The following BCAS3 variants were observed in gnomAD, a reference collection of about 807,000 sequenced individuals.
BCAS3 encodes BCAS4/BCAS3 fusion.
Under a neutral mutation model 116.1 loss-of-function variants are expected in BCAS3, and 53 were observed. The ratio of observed to expected loss-of-function variants is 0.46; its 90% CI spans 0.37 to 0.57. The LOEUF (loss-of-function observed/expected upper bound fraction) is 0.57, where lower values mean the gene tolerates loss of function less well. Ranked by LOEUF, BCAS3 falls within the 20% of genes least tolerant of loss-of-function variation. BCAS3 has a pLI of 0.00. For synonymous variants in BCAS3, 391 were observed against 408.2 expected (o/e 0.96, Z 0.51); for missense variants, 917 against 1,165.4 (o/e 0.79, Z 3.10).
rs1471596915 is a variant in BCAS3 at position 61,132,449 on chromosome 17, A to G, written c.2425+47885A>G. On this transcript the variant is annotated intron_variant, in intron 22 of 23. Transcript: ENST00000407086. The surrounding 1 kb of genome is among the most constrained non-coding windows in gnomAD (Gnocchi z 5.1). ...CTCACTGTCTGTGGCCATGTGAGCT[A>G]TAATCTACTGCCCTGGTCAAACTTA... Among the ~76,000 whole-genome samples the G allele has an allele frequency of 1.3e-5, 2 of 152,220 alleles. No homozygotes were observed. Among genetic ancestry groups the G allele is most frequent in the East Asian group, 1.9e-4 (1 of 5,192 alleles).
In BCAS3 at chr17:61,198,744, T is replaced by G. The variant is rs1445958468; in HGVS notation, c.2425+114180T>G. ...TTTCTTAGCATTTATCTTCAAACCT[T>G]AAGTGTAAAAATGAGACAGAGGCTT... On this transcript the variant is annotated intron_variant, in intron 22 of 23. Transcript: ENST00000407086. This position sits in a 1 kb window ranked among gnomAD's most constrained non-coding sequence, Gnocchi z 5.0. 6.6e-6 allele frequency among the ~76,000 whole-genome samples: 1 copy of G among 152,248 alleles called. No individual in the cohort carries two copies. Among genetic ancestry groups the G allele is most frequent in the African/African-American group, 2.4e-5 (1 of 41,462 alleles).
chr17:60,910,975 T>C (rs1053853712), intron 12 of BCAS3, among the ~76,000 whole-genome samples: 5 of 152,106 alleles, frequency 3.3e-5, no homozygotes, highest in Non-Finnish European at 7.4e-5. Context: ...TAAATAATTA[T>C]ATAACATTTA....
chr17:60,777,681 AC>A (rs2045441567), intron 6 of BCAS3, among the ~76,000 whole-genome samples: 1 of 151,744 alleles, frequency 6.6e-6, no homozygotes, highest in Non-Finnish European at 1.5e-5. Context: ...TCTCATTCTC[AC>A]CCTCTCTCCA....
intron 7 of BCAS3, among the ~76,000 whole-genome samples, chr17:60,837,246 C>T (rs754619381): frequency 6.6e-6 from 1 of 152,124 alleles, no homozygotes; most frequent in Non-Finnish European, 1.5e-5. Context: ...AACTAGCTGT[C>T]CTAAACATCC....
At chr17:61,250,326 C>CT (rs1289131093) in intron 22 of BCAS3, among the ~76,000 whole-genome samples, 2 of 152,192 alleles carry the variant, frequency 1.3e-5, no homozygotes, top group Non-Finnish European at 2.9e-5. Context: ...ACAACGGCTT[C>CT]TTCATACACT....
At chr17:61,045,293 G>T (rs1232200487) in intron 19 of BCAS3, among the ~76,000 whole-genome samples, 1 of 151,578 alleles carries the variant, frequency 6.6e-6, no homozygotes, top group Non-Finnish European at 1.5e-5. Flanking sequence ...AAGATTGTTT[G>T]TGGCCAGAAG....
In BCAS3 at chr17:61,038,064, CTTTTCTTT is replaced by C. The variant is rs751407846; in HGVS notation, c.1928+21_1928+28del. On this transcript the variant is annotated intron_variant, in intron 18 of 23. Coordinates refer to ENST00000407086, the MANE Select transcript of BCAS3 (RefSeq NM_017679.5). ...GCTGGACTCTGGTTAGGTAGTACCT[CTTTTCTTT>C]TTTTCTTTTTAACAGCTTCATTAAG... 3.1e-6 allele frequency: 5 copies of C among 1,604,030 alleles called. No homozygotes were observed. Among genetic ancestry groups the C allele is most frequent in the Non-Finnish European group, 4.2e-6 (5 of 1,176,640 alleles).
rs2082010125 is a variant in BCAS3 at position 61,219,883 on chromosome 17, G to T, written c.2425+135319G>T. On this transcript the variant is annotated intron_variant, in intron 22 of 23. Transcript: ENST00000407086. This position sits in a 1 kb window ranked among gnomAD's most constrained non-coding sequence, Gnocchi z 5.2. The stretch of plus-strand genomic sequence containing the variant: ...GACGTTTTTTTCCCATCCTGTTTGG[G>T]GTAGGAAAAACAAGGCAGGTTATGG... 6.6e-6 allele frequency among the ~76,000 whole-genome samples: 1 copy of T among 152,150 alleles called. No individual in the cohort carries two copies. The highest frequency in any genetic ancestry group is 1.5e-5 in the Non-Finnish European group (1 of 68,030).
intron 10 of BCAS3, among the ~76,000 whole-genome samples, chr17:60,897,229 T>C (rs1166791429): frequency 6.6e-6 from 1 of 152,220 alleles, no homozygotes; most frequent in African/African-American, 2.4e-5. Context: ...TTTGAATCTA[T>C]AATTCCATTG....
intron 7 of BCAS3, among the ~76,000 whole-genome samples, chr17:60,809,658 CAT>C (rs1267945467): frequency 6.6e-6 from 1 of 152,196 alleles, no homozygotes; most frequent in East Asian, 1.9e-4. Flanking sequence ...GTCTTGATGA[CAT>C]GTGTGCTTTG....
At chr17:61,264,134 A>G (rs956938207) in intron 22 of BCAS3, among the ~76,000 whole-genome samples, 1 of 151,984 alleles carries the variant, frequency 6.6e-6, no homozygotes, top group Non-Finnish European at 1.5e-5. Flanking sequence ...GAGTTTATAT[A>G]TATATAAAAT....
At chr17:60,940,945 T>C (rs6504010) in intron 13 of BCAS3, among the ~76,000 whole-genome samples, 47,548 of 152,108 alleles carry the variant, frequency 0.31, 12,490 homozygotes, top group African/African-American at 0.72. Context: ...AATTTTGCTA[T>C]TCTTTAATTT....
At chr17:60,908,177 A>G (rs2058291622) in intron 11 of BCAS3, among the ~76,000 whole-genome samples, 1 of 151,944 alleles carries the variant, frequency 6.6e-6, no homozygotes, top group African/African-American at 2.4e-5. Context: ...CCTAGGAAAT[A>G]TCAAACACTC....
At chr17:61,273,982 A>C (rs972629786) in intron 22 of BCAS3, among the ~76,000 whole-genome samples, 2 of 149,110 alleles carry the variant, frequency 1.3e-5, no homozygotes, top group Admixed American at 1.3e-4. Flanking sequence ...ATTATACTTT[A>C]AGTTTTAGGG....
At chr17:61,201,318 A>C (rs1208006321) in intron 22 of BCAS3, among the ~76,000 whole-genome samples, 1 of 152,130 alleles carries the variant, frequency 6.6e-6, no homozygotes, top group Non-Finnish European at 1.5e-5. Flanking sequence ...TTATGTGTGT[A>C]TTTGTTGTGA....
At chr17:61,329,365 G>T (rs1167918303) in intron 22 of BCAS3, among the ~76,000 whole-genome samples, 2 of 145,224 alleles carry the variant, frequency 1.4e-5, no homozygotes, top group Non-Finnish European at 3.0e-5. Context: ...TTTTGAGACG[G>T]AGTCTCGCTC....
chr17:61,218,464 A>C (rs1208959148), intron 22 of BCAS3, among the ~76,000 whole-genome samples: 1 of 152,222 alleles, frequency 6.6e-6, no homozygotes, highest in Middle Eastern at 3.2e-3. Context: ...GAGGTCCTAC[A>C]ATCCTGTATG....
rs1183581471 is a variant in BCAS3, at chr17:61,162,433, C to T, written c.2425+77869C>T. On this transcript the variant is annotated intron_variant, in intron 22 of 23. Coordinates refer to ENST00000407086, the MANE Select transcript of BCAS3 (RefSeq NM_017679.5). The surrounding 1 kb of genome is among the most constrained non-coding windows in gnomAD (Gnocchi z 5.6). ...TTGCCTCTACAAGAATATTCTCACACCATAGATATAGAGAAAGGACAGGTA... is the reference window on the plus strand; with the variant it reads ...TTGCCTCTACAAGAATATTCTCACATCATAGATATAGAGAAAGGACAGGTA... Among the ~76,000 whole-genome samples the T allele has an allele frequency of 6.6e-6, 1 of 152,126 alleles. No individual in the cohort carries two copies. The highest frequency in any genetic ancestry group is 1.9e-4 in the East Asian group (1 of 5,194).
intron 22 of BCAS3, among the ~76,000 whole-genome samples, chr17:61,308,621 CA>C (rs1200615933): frequency 6.6e-6 from 1 of 151,614 alleles, no homozygotes; most frequent in Non-Finnish European, 1.5e-5. Flanking sequence ...TCTGCAGAGG[CA>C]GGGGGGTGGG....
Sources: allele counts gnomAD v4.1 joint callset (sites outside exome capture counted in the v4.1 genomes callset), GRCh38; gene constraint gnomAD v4.1.1; non-coding constraint Gnocchi (gnomAD v3.1); transcripts MANE v1.5; gene names NCBI Gene and HGNC (gene_info 2026-07-23, HGNC 2026-07-21).